Variants in ZNF644 observed in about 807,000 individuals in gnomAD.
The protein encoded by ZNF644 is zinc finger motif enhancer binding protein 2.
A neutral mutation model predicts 108.0 loss-of-function variants in ZNF644; 20 were observed. The ratio of observed to expected loss-of-function variants is 0.19; its 90% CI spans 0.13 to 0.27. ZNF644 has a LOEUF of 0.27. ZNF644 is among the 10% of genes least tolerant of loss of function. ZNF644 has a pLI of 1.00. For missense variants in ZNF644, 1,338 were observed against 1,548.9 expected (o/e 0.86, Z 2.29); for synonymous variants, 542 against 539.1 (o/e 1.01, Z -0.08).
At position 90,915,704 on chromosome 1, in the gene ZNF644, G is replaced by T. The variant is rs1648694243; in HGVS notation, c.*1094C>A. The T allele has an allele frequency of 6.6e-6, 1 of 152,568 alleles. No homozygotes were observed. Among genetic ancestry groups the T allele is most frequent in the African/African-American group, 2.4e-5 (1 of 41,434 alleles). 9.5% of individuals were successfully genotyped at this position (152,568 alleles called of 1,614,324 possible). Reference sequence around the variant, plus strand: ...TGTCGGTTCTTAGCATGAGCATAGTGTTACACGATTTTCGTACATATAATC... The same window carrying T: ...TGTCGGTTCTTAGCATGAGCATAGTTTTACACGATTTTCGTACATATAATC... On this transcript the variant is annotated 3_prime_UTR_variant, in exon 6 of 6. Transcript: ENST00000337393.
At chr1:90,988,765 G>C (rs1657355504) in intron 1 of ZNF644, among the ~76,000 whole-genome samples, 1 of 152,060 alleles carries the variant, frequency 6.6e-6, no homozygotes, top group African/African-American at 2.4e-5. Context: ...TTTGACAAGG[G>C]GGCCAATACT....
intron 2 of ZNF644, among the ~76,000 whole-genome samples, chr1:90,966,038 A>T (rs1654836196): frequency 6.6e-6 from 1 of 152,094 alleles, no homozygotes; most frequent in African/African-American, 2.4e-5. Flanking sequence ...GGCATGAGCC[A>T]CCGCGCCTGG....
chr1:90,928,910 G>A (rs1650396424), intron 4 of ZNF644, among the ~76,000 whole-genome samples: 1 of 151,988 alleles, frequency 6.6e-6, no homozygotes, highest in Non-Finnish European at 1.5e-5. Flanking sequence ...AAACCCTTCT[G>A]TAATGGCATA....
intron 1 of ZNF644, among the ~76,000 whole-genome samples, chr1:90,988,966 G>A (rs1408193285): frequency 6.6e-6 from 1 of 152,060 alleles, no homozygotes; most frequent in Non-Finnish European, 1.5e-5. Context: ...TCGGGACACT[G>A]GATTTAGCTA....
At chr1:90,918,019 A>C in intron 5 of ZNF644, 33 bp downstream of exon 5, 1 of 1,553,328 alleles carries the variant, frequency 6.4e-7, no homozygotes, top group Non-Finnish European at 8.9e-7. Context: ...AAGTATGAAG[A>C]AACTGATCAG....
intron 5 of ZNF644, 28 bp downstream of exon 5, chr1:90,918,024 G>T: frequency 2.6e-6 from 4 of 1,559,736 alleles, no homozygotes; most frequent in South Asian, 2.2e-5. Flanking sequence ...TGAAGAAACT[G>T]ATCAGATTTG....
intron 4 of ZNF644, among the ~76,000 whole-genome samples, chr1:90,922,811 C>A (rs1449421958): frequency 1.3e-5 from 2 of 151,908 alleles, no homozygotes. Context: ...TTGTTTAGCC[C>A]CTACTTATAA....
chr1:90,924,995 AC>A (rs1380907585), intron 4 of ZNF644, among the ~76,000 whole-genome samples: 4 of 152,212 alleles, frequency 2.6e-5, no homozygotes, highest in African/African-American at 7.2e-5. Context: ...TTAAAACATT[AC>A]CTAAAATTTA....
chr1:90,922,444 A>T (rs982114119), intron 4 of ZNF644, among the ~76,000 whole-genome samples: 1 of 152,172 alleles, frequency 6.6e-6, no homozygotes, highest in African/African-American at 2.4e-5. Context: ...TACAGTAGGA[A>T]TAAACATGAC....
At chr1:90,935,041 T>C (rs1201255174) in intron 4 of ZNF644, among the ~76,000 whole-genome samples, 3 of 152,264 alleles carry the variant, frequency 2.0e-5, no homozygotes, top group Admixed American at 1.3e-4. Flanking sequence ...GCTGGGACTA[T>C]AGGGGCACAC....
intron 4 of ZNF644, among the ~76,000 whole-genome samples, chr1:90,934,908 C>G (rs1212472178): frequency 1.3e-5 from 2 of 152,014 alleles, no homozygotes; most frequent in East Asian, 3.9e-4. Context: ...CAAGCTAGAA[C>G]TACAATATTT....
At chr1:91,021,869 G>A (rs953223079) in intron 1 of ZNF644, 121 bp downstream of exon 1, 1 of 398,254 alleles carries the variant, frequency 2.5e-6, no homozygotes. Flanking sequence ...CCGGGCCCGA[G>A]AGCCGGAGGC....
intron 4 of ZNF644, among the ~76,000 whole-genome samples, chr1:90,923,213 T>C (rs1345428157): frequency 6.6e-6 from 1 of 152,138 alleles, no homozygotes; most frequent in African/African-American, 2.4e-5. Flanking sequence ...AAACTATTAA[T>C]TTTTGAACGA....
intron 2 of ZNF644, among the ~76,000 whole-genome samples, chr1:90,955,089 CAGAGA>C (rs1004347030): frequency 6.6e-6 from 1 of 152,186 alleles, no homozygotes; most frequent in Admixed American, 6.5e-5. Context: ...ACATCTCCAT[CAGAGA>C]TCTTGGATGA....
chr1:90,934,878 T>C (rs1451353922), intron 4 of ZNF644, among the ~76,000 whole-genome samples: 5 of 152,120 alleles, frequency 3.3e-5, no homozygotes, highest in African/African-American at 1.2e-4. Context: ...ATAATTTCCT[T>C]TTCTAATAAA....
intron 2 of ZNF644, among the ~76,000 whole-genome samples, chr1:90,955,168 G>A (rs1242562749): frequency 6.6e-6 from 1 of 152,160 alleles, no homozygotes; most frequent in African/African-American, 2.4e-5. Context: ...TCAACAGTAG[G>A]CTTAAAATAG....
At chr1:90,951,373 C>T (rs1029761109) in intron 2 of ZNF644, among the ~76,000 whole-genome samples, 1 of 152,204 alleles carries the variant, frequency 6.6e-6, no homozygotes, top group Non-Finnish European at 1.5e-5. Flanking sequence ...GACTTCGTTT[C>T]CTACTCCTCT....
intron 1 of ZNF644, among the ~76,000 whole-genome samples, chr1:90,997,275 T>C (rs969175857): frequency 3.3e-5 from 5 of 152,154 alleles, no homozygotes; most frequent in African/African-American, 1.2e-4. Context: ...CCTGGTTAAG[T>C]GTTGAAGGAG....
intron 2 of ZNF644, among the ~76,000 whole-genome samples, chr1:90,969,317 A>C (rs1340456757): frequency 6.6e-6 from 1 of 152,162 alleles, no homozygotes; most frequent in Non-Finnish European, 1.5e-5. Context: ...AGGAGAAGCC[A>C]AGCCTGCAAA....
Sources: allele counts gnomAD v4.1 joint callset (sites outside exome capture counted in the v4.1 genomes callset), GRCh38; gene constraint gnomAD v4.1.1; transcripts MANE v1.5; gene names NCBI Gene and HGNC (gene_info 2026-07-23, HGNC 2026-07-21).